SLC61A1: variants seen among roughly 807,000 people sequenced by gnomAD.
The protein encoded by SLC61A1 is major facilitator superfamily domain containing 5.
the SLC61A1 span, chr12:53,252,187 G>A: frequency 1.4e-3 from 1,987 of 1,419,732 alleles, 3 homozygotes; most frequent in Non-Finnish European, 1.7e-3. Context: ...ACCCGAGCCG[G>A]AGCCGGAGCC....
At chr12:53,252,743 C>T in the SLC61A1 span, 2 of 1,500,064 alleles carry the variant, frequency 1.3e-6, no homozygotes, top group Non-Finnish European at 1.8e-6. Context: ...GTGGAGCTGC[C>T]ATCTGCTTAA....
At chr12:53,252,194 A>G in the SLC61A1 span, 3 of 1,418,914 alleles carry the variant, frequency 2.1e-6, no homozygotes, top group Non-Finnish European at 2.7e-6. Flanking sequence ...CCGGAGCCGG[A>G]GCCACAGCGG....
chr12:53,253,427 C>T, the SLC61A1 span: 2 of 1,614,092 alleles, frequency 1.2e-6, no homozygotes, highest in Non-Finnish European at 1.7e-6. Context: ...CTGGATAGGG[C>T]TGGGGCCTGT....
chr12:53,252,783 A>G, the SLC61A1 span: 1 of 1,600,426 alleles, frequency 6.2e-7, no homozygotes, highest in Non-Finnish European at 8.5e-7. Context: ...TGCCCGAAGG[A>G]TGGATATGGC....
chr12:53,253,906 C>CT, the SLC61A1 span: 1 of 1,614,230 alleles, frequency 6.2e-7, no homozygotes, highest in Non-Finnish European at 8.5e-7. Context: ...GTGGATTATA[C>CT]TTTCCCAGCA....
chr12:53,253,854 C>T, the SLC61A1 span: 104 of 1,614,042 alleles, frequency 6.4e-5, no homozygotes, highest in Non-Finnish European at 8.1e-5. Context: ...CAGGAGAGTC[C>T]GGTGGAGTCC....
chr12:53,252,427 C>T, the SLC61A1 span: 1 of 1,286,960 alleles, frequency 7.8e-7, no homozygotes, highest in Non-Finnish European at 9.8e-7. Context: ...GGAGGGATGC[C>T]CGGGACAGAG....
the SLC61A1 span, chr12:53,252,211 T>G: frequency 2.1e-6 from 3 of 1,414,266 alleles, no homozygotes; most frequent in South Asian, 4.7e-5. Context: ...GCGGGGAGGG[T>G]GGCCTGGCGG....
chr12:53,252,426 C>T, the SLC61A1 span: 2 of 1,285,684 alleles, frequency 1.6e-6, no homozygotes, highest in Non-Finnish European at 2.0e-6. Context: ...GGGAGGGATG[C>T]CCGGGACAGA....
the SLC61A1 span, chr12:53,253,980 G>A: frequency 1.4e-5 from 23 of 1,614,148 alleles, no homozygotes; most frequent in African/African-American, 4.0e-5. Flanking sequence ...AACTGGTTCC[G>A]GGTACCTCTG....
the SLC61A1 span, chr12:53,252,458 AAG>A: frequency 1.6e-6 from 2 of 1,286,818 alleles, no homozygotes; most frequent in Non-Finnish European, 2.0e-6. Flanking sequence ...TGAGGGCAAA[AAG>A]AGGCTCCGCA....
the SLC61A1 span, chr12:53,253,009 T>C: frequency 6.2e-7 from 1 of 1,614,194 alleles, no homozygotes; most frequent in South Asian, 1.1e-5. Flanking sequence ...CTGATTGGCT[T>C]CAGGCCCCCT....
the SLC61A1 span, chr12:53,253,094 T>C: frequency 4.3e-6 from 7 of 1,614,146 alleles, no homozygotes; most frequent in Non-Finnish European, 5.9e-6. Flanking sequence ...TGGCCTTGCC[T>C]CTACAGTCCT....
the SLC61A1 span, chr12:53,253,929 G>A: frequency 8.7e-6 from 14 of 1,614,062 alleles, no homozygotes; most frequent in East Asian, 4.5e-5. Flanking sequence ...AGCTTCCTAC[G>A]GAGAAAGGTG....
At chr12:53,252,040 G>C in the SLC61A1 span, 1 of 1,493,808 alleles carries the variant, frequency 6.7e-7, no homozygotes, top group Non-Finnish European at 8.8e-7. Flanking sequence ...GCCCGGGTAA[G>C]GGAAGGAGGG....
the SLC61A1 span, chr12:53,253,798 C>G: frequency 1.9e-6 from 3 of 1,614,204 alleles, no homozygotes; most frequent in Non-Finnish European, 2.5e-6. Context: ...CTGTGCTCAT[C>G]GTCGTCTTCT....
chr12:53,253,537 G>A, the SLC61A1 span: 1 of 1,614,164 alleles, frequency 6.2e-7, no homozygotes, highest in Non-Finnish European at 8.5e-7. Context: ...CCTTCTCAAG[G>A]ACCTGTGCTG....
the SLC61A1 span, chr12:53,253,387 G>A: frequency 1.2e-6 from 2 of 1,614,160 alleles, no homozygotes; most frequent in Non-Finnish European, 1.7e-6. Flanking sequence ...TGGCTGTAGT[G>A]GCAGGTGTGG....
chr12:53,251,787 G>A, the SLC61A1 span: 1 of 1,537,264 alleles, frequency 6.5e-7, no homozygotes, highest in East Asian at 2.4e-5. Flanking sequence ...TCTCGGCTTC[G>A]GGCAGCGGTG....
Sources: allele counts gnomAD v4.1 joint callset, GRCh38; gene constraint gnomAD v4.1.1; transcripts MANE v1.5; gene names NCBI Gene and HGNC (gene_info 2026-07-23, HGNC 2026-07-21).